The following RBM17 variants were observed in gnomAD, a reference collection of about 807,000 sequenced individuals.
RBM17 encodes the protein splicing factor 45.
Under a neutral mutation model 53.2 loss-of-function variants are expected in RBM17, and 7 were observed. The ratio of observed to expected loss-of-function variants is 0.13; its 90% CI spans 0.07 to 0.25. The LOEUF (loss-of-function observed/expected upper bound fraction) is 0.25, where lower values mean the gene tolerates loss of function less well. Ranked by LOEUF, RBM17 falls within the 10% of genes least tolerant of loss-of-function variation. The probability of loss-of-function intolerance (pLI) is 1.00; values close to 1 mark genes in which losing one functional copy is unlikely to be tolerated. For synonymous variants in RBM17, 167 were observed against 178.1 expected, an observed-to-expected ratio of 0.94 and a Z score of 0.50; for missense variants, 257 against 496.7, an observed-to-expected ratio of 0.52 and a Z score of 4.59.
chr10:6,107,644 G>T (rs974098590), intron 5 of RBM17, among the ~76,000 whole-genome samples: 1 of 150,978 alleles, frequency 6.6e-6, no homozygotes, highest in Non-Finnish European at 1.5e-5. Context: ...ACCATGCCCA[G>T]CTGATTTTTG....
intron 6 of RBM17, 104 bp from the exon 7 acceptor site, chr10:6,109,882 C>A: frequency 9.7e-7 from 1 of 1,034,274 alleles, no homozygotes; most frequent in Non-Finnish European, 1.3e-6. Flanking sequence ...TGTGGTAAAC[C>A]AAAAAGTAGG....
chr10:6,098,218 C>G (rs1321690044), intron 2 of RBM17, among the ~76,000 whole-genome samples: 1 of 150,388 alleles, frequency 6.6e-6, no homozygotes, highest in Non-Finnish European at 1.5e-5. Flanking sequence ...GAATATTGGT[C>G]TTTTTGGGGG....
In RBM17 at chr10:6,101,261, A is replaced by G. The variant is rs752621512; in HGVS notation, c.124-10A>G. The G allele has an allele frequency of 6.5e-7, 1 of 1,548,090 alleles. No individual in the cohort carries two copies. The highest frequency in any genetic ancestry group is 2.3e-5 in the East Asian group (1 of 43,336). On this transcript the variant is annotated splice_polypyrimidine_tract_variant and intron_variant, in intron 2 of 11. Coordinates refer to ENST00000379888, the MANE Select transcript of RBM17 (RefSeq NM_032905.5). ...CTTCAGTATGTTTTCCTTGTTTTTG[A>G]TGATTTTAGAGCCAAAGGACGAAAC...
At chr10:6,095,270 TG>T (rs912704628) in intron 1 of RBM17, among the ~76,000 whole-genome samples, 4 of 152,024 alleles carry the variant, frequency 2.6e-5, no homozygotes, top group African/African-American at 9.7e-5. Flanking sequence ...TGGAGTGCAG[TG>T]GTGTGATCTT....
intron 3 of RBM17, among the ~76,000 whole-genome samples, chr10:6,101,732 A>G (rs1840672706): frequency 6.6e-6 from 1 of 152,212 alleles, no homozygotes; most frequent in Admixed American, 6.5e-5. Context: ...TGACTCTGTC[A>G]AAAAATACAG....
Position 6,113,354 on chromosome 10 carries a change from G to A in RBM17, c.857-154G>A, listed in dbSNP as rs551294481. 1.8e-3 allele frequency: 980 copies of A among 555,558 alleles called. 26 individuals are homozygous for A. In the South Asian group the frequency reaches 0.023, roughly 13 times the overall value. 34.4% of individuals were successfully genotyped at this position (555,558 alleles called of 1,614,324 possible). A position where few individuals can be genotyped will look rare whatever the true frequency, so the allele number is the denominator to read the frequency against. On this transcript the variant is annotated intron_variant, in intron 8 of 11. Transcript: ENST00000379888. ...TTATTGCAGATAAGGCTGTGTTTTC[G>A]CTCAGAGACCAATTGTGTAGATGCC...
chr10:6,101,502 A>G, intron 3 of RBM17, 115 bp downstream of exon 3: 1 of 480,466 alleles, frequency 2.1e-6, no homozygotes, highest in Admixed American at 3.8e-5. Flanking sequence ...AAACCAAGTT[A>G]GTATCATTTT....
intron 3 of RBM17, among the ~76,000 whole-genome samples, chr10:6,104,333 TAAA>T (rs747477928): frequency 6.6e-6 from 1 of 152,022 alleles, no homozygotes; most frequent in Admixed American, 6.6e-5. Context: ...TAGTGAACCT[TAAA>T]AAAAATTATG....
chr10:6,106,408 G>T, intron 5 of RBM17, 170 bp downstream of exon 5: 2 of 542,650 alleles, frequency 3.7e-6, no homozygotes, highest in Non-Finnish European at 3.3e-6. Context: ...ATTTATATTG[G>T]GTTTTCATAT....
intron 2 of RBM17, among the ~76,000 whole-genome samples, chr10:6,097,464 C>T (rs1245544265): frequency 6.6e-6 from 1 of 152,100 alleles, no homozygotes; most frequent in Non-Finnish European, 1.5e-5. Flanking sequence ...TTTGGGAGGC[C>T]AAGGCAGGCA....
chr10:6,094,673 G>A (rs921554131), intron 1 of RBM17, among the ~76,000 whole-genome samples: 1 of 152,166 alleles, frequency 6.6e-6, no homozygotes, highest in Non-Finnish European at 1.5e-5. Flanking sequence ...TTTCTGTGCT[G>A]TTGCTCTGTT....
chr10:6,097,766 G>A (rs756941608), intron 2 of RBM17, among the ~76,000 whole-genome samples: 22 of 152,240 alleles, frequency 1.4e-4, no homozygotes, highest in Non-Finnish European at 2.8e-4. Flanking sequence ...GATTGAGTGA[G>A]AACTTGTTTA....
At chr10:6,104,548 GTTGTT>G (rs1359757940) in intron 3 of RBM17, among the ~76,000 whole-genome samples, 2 of 152,152 alleles carry the variant, frequency 1.3e-5, no homozygotes, top group Non-Finnish European at 2.9e-5. Context: ...GGTGTTCATG[GTTGTT>G]TTATTTTTTA....
chr10:6,115,603 C>G lies in RBM17; in HGVS notation c.*47C>G, dbSNP rs777569195. ...TCATCTCCGGTGATCCTTAAATGAA[C>G]TGCAGGCTGAGAAAAGAAGGAAAAA... On this transcript the variant is annotated 3_prime_UTR_variant, in exon 12 of 12. Coordinates refer to ENST00000379888, the MANE Select transcript of RBM17 (RefSeq NM_032905.5). 3.3e-6 allele frequency: 4 copies of G among 1,202,646 alleles called. No individual in the cohort carries two copies. In the Admixed American group the frequency reaches 5.1e-5, roughly 15 times the overall value. 74.5% of individuals were successfully genotyped at this position (1,202,646 alleles called of 1,614,324 possible). A position where few individuals can be genotyped will look rare whatever the true frequency, so the allele number is the denominator to read the frequency against.
In RBM17 at chr10:6,111,521, G is replaced by A. The variant is rs532811520; in HGVS notation, c.705-689G>A. ...TGCCCAGCTAATTTTTACATTTTTA[G>A]TAGAGATGAGGTTTCACCATGTTGG... On this transcript the variant is annotated intron_variant, in intron 7 of 11. Transcript: ENST00000379888. Among the ~76,000 whole-genome samples the A allele has an allele frequency of 2.6e-5, 4 of 152,288 alleles. No homozygotes were observed. In the East Asian group the frequency reaches 7.7e-4, roughly 29 times the overall value.
chr10:6,110,215 G>C, intron 7 of RBM17, 88 bp downstream of exon 7: 1 of 1,275,014 alleles, frequency 7.8e-7, no homozygotes, highest in Non-Finnish European at 1.1e-6. Flanking sequence ...GTTTGAAACT[G>C]AGGACATTCA....
intron 3 of RBM17, among the ~76,000 whole-genome samples, chr10:6,102,314 G>A (rs1840680228): frequency 6.6e-6 from 1 of 152,154 alleles, no homozygotes; most frequent in Non-Finnish European, 1.5e-5. Flanking sequence ...GCACACTCCT[G>A]CCCATCTGTT....
intron 2 of RBM17, among the ~76,000 whole-genome samples, chr10:6,098,041 A>C (rs1840602160): frequency 2.8e-5 from 1 of 35,168 alleles, no homozygotes; most frequent in South Asian, 1.5e-3. Flanking sequence ...GGGTATTGGC[A>C]ATGTCCTTGA....
At position 6,115,609 on chromosome 10, in the gene RBM17, G is replaced by T. The variant is rs1427239607; in HGVS notation, c.*53G>T. ...CCGGTGATCCTTAAATGAACTGCAG[G>T]CTGAGAAAAGAAGGAAAAAGGTCAC... On this transcript the variant is annotated 3_prime_UTR_variant, in exon 12 of 12. Coordinates refer to ENST00000379888, the MANE Select transcript of RBM17 (RefSeq NM_032905.5). The T allele has an allele frequency of 1.7e-6, 2 of 1,165,082 alleles. No individual in the cohort carries two copies. Among genetic ancestry groups the T allele is most frequent in the South Asian group, 2.5e-5 (2 of 81,288 alleles). 72.2% of individuals were successfully genotyped at this position (1,165,082 alleles called of 1,614,324 possible).
Sources: allele counts gnomAD v4.1 joint callset (sites outside exome capture counted in the v4.1 genomes callset), GRCh38; gene constraint gnomAD v4.1.1; transcripts MANE v1.5; gene names NCBI Gene and HGNC (gene_info 2026-07-23, HGNC 2026-07-21).